MED13L: variants seen among roughly 807,000 people sequenced by gnomAD.
MED13L encodes mediator of RNA polymerase II transcription subunit 13-like.
In MED13L, 7 loss-of-function variants were observed where a neutral mutation model predicts 220.9. That is an observed-to-expected ratio of 0.03 (90% confidence interval 0.02 to 0.06). MED13L has a LOEUF of 0.06. Among genes scored for constraint, MED13L ranks in the 10% least tolerant of loss-of-function variants. The pLI, the probability that MED13L is intolerant of heterozygous loss-of-function variation, is 1.00. For missense variants in MED13L, 1,965 were observed against 2,760.5 expected, an observed-to-expected ratio of 0.71 and a Z score of 6.46; for synonymous variants, 1,011 against 1,015.2, an observed-to-expected ratio of 1.00 and a Z score of 0.08.
chr12:116,042,102 T>A (rs1881568141), intron 4 of MED13L, among the ~76,000 whole-genome samples: 1 of 152,202 alleles, frequency 6.6e-6, no homozygotes, highest in Non-Finnish European at 1.5e-5. Flanking sequence ...ATATAAATTT[T>A]AAAAATTGAT....
chr12:116,095,589 T>A (rs1872577824), intron 4 of MED13L, among the ~76,000 whole-genome samples: 1 of 152,118 alleles, frequency 6.6e-6, no homozygotes, highest in Admixed American at 6.5e-5. Context: ...CAGCTGAAAT[T>A]TTGCAACCAA....
intron 1 of MED13L, among the ~76,000 whole-genome samples, chr12:116,257,657 T>C (rs933737592): frequency 1.3e-5 from 2 of 152,358 alleles, no homozygotes; most frequent in Middle Eastern, 3.4e-3. Context: ...AAGCTATTTG[T>C]CTATTTTTAA....
chr12:116,248,062 T>G (rs1312016023), intron 1 of MED13L, among the ~76,000 whole-genome samples: 1 of 152,172 alleles, frequency 6.6e-6, no homozygotes, highest in Non-Finnish European at 1.5e-5. Context: ...ACTAGGCTGG[T>G]GAGGAAATCT....
At chr12:116,102,937 T>C (rs1246494315) in intron 3 of MED13L, among the ~76,000 whole-genome samples, 2 of 151,846 alleles carry the variant, frequency 1.3e-5, no homozygotes, top group East Asian at 3.9e-4. Flanking sequence ...AGGCTGGTCT[T>C]GAACTCCTGA....
intron 2 of MED13L, among the ~76,000 whole-genome samples, chr12:116,162,324 A>C (rs1199120152): frequency 6.6e-6 from 1 of 152,194 alleles, no homozygotes; most frequent in Non-Finnish European, 1.5e-5. Flanking sequence ...AGAAGCTGTG[A>C]TTCTATTAGA....
intron 4 of MED13L, among the ~76,000 whole-genome samples, chr12:116,043,286 A>G (rs1295664176): frequency 6.6e-6 from 1 of 152,222 alleles, no homozygotes. Flanking sequence ...AAAATGTATT[A>G]ATTTATTCTA....
At chr12:116,060,213 T>C (rs1017679648) in intron 4 of MED13L, among the ~76,000 whole-genome samples, 3 of 151,994 alleles carry the variant, frequency 2.0e-5, no homozygotes, top group Non-Finnish European at 4.4e-5. Context: ...CTCAAGTAGT[T>C]GCCACTCTAT....
chr12:116,220,844 T>A (rs1883266599), intron 2 of MED13L, among the ~76,000 whole-genome samples: 1 of 152,208 alleles, frequency 6.6e-6, no homozygotes, highest in Admixed American at 6.5e-5. Flanking sequence ...CTTAGTCTTA[T>A]GAAAACCACA....
chr12:115,979,525 T>C (rs1020223950), intron 23 of MED13L, among the ~76,000 whole-genome samples: 1 of 152,250 alleles, frequency 6.6e-6, no homozygotes, highest in African/African-American at 2.4e-5. Context: ...ATGTAGGTCA[T>C]TGGCTGAGCA....
intron 2 of MED13L, among the ~76,000 whole-genome samples, chr12:116,216,580 A>C (rs1275381468): frequency 6.6e-6 from 1 of 152,226 alleles, no homozygotes; most frequent in Non-Finnish European, 1.5e-5. Context: ...GGAAAAAGTG[A>C]AAACCAAAGT....
chr12:116,175,062 C>CA (rs1230361776), intron 2 of MED13L, among the ~76,000 whole-genome samples: 2 of 150,932 alleles, frequency 1.3e-5, no homozygotes, highest in Admixed American at 6.6e-5. Flanking sequence ...ATCTTGTCTC[C>CA]AAAAAAAGAA....
Position 116,276,497 on chromosome 12 carries a change from G to A in MED13L, c.72+563C>T, listed in dbSNP as rs974309871. 4.7e-6 allele frequency: 6 copies of A among 1,287,432 alleles called. No individual in the cohort carries two copies. The African/African-American group carries it at 7.6e-5, about 16-fold the overall frequency. The allele number at this position is 1,287,432 out of a possible 1,614,324, so 79.8% of individuals were successfully genotyped here. A position where few individuals can be genotyped will look rare whatever the true frequency, so the allele number is the denominator to read the frequency against. On this transcript the variant is annotated intron_variant, in intron 1 of 30. Transcript: ENST00000281928. ...AGTAAGCCCCGAGAGGCAGGCGGCT[G>A]TCGATGTTTACAATCGCGGGAGCTT...
At chr12:116,205,068 G>T (rs987754922) in intron 2 of MED13L, among the ~76,000 whole-genome samples, 1 of 152,014 alleles carries the variant, frequency 6.6e-6, no homozygotes, top group Non-Finnish European at 1.5e-5. Flanking sequence ...TACTCATGTG[G>T]CTTGCCTTCT....
At chr12:116,270,083 T>C (rs1258394049) in intron 1 of MED13L, among the ~76,000 whole-genome samples, 1 of 151,726 alleles carries the variant, frequency 6.6e-6, no homozygotes, top group Non-Finnish European at 1.5e-5. Flanking sequence ...AAAACAGGAG[T>C]TCCTAAAGGA....
intron 29 of MED13L, among the ~76,000 whole-genome samples, chr12:115,965,277 C>T (rs1876068890): frequency 6.6e-6 from 1 of 152,234 alleles, no homozygotes; most frequent in Admixed American, 6.5e-5. Context: ...TGTCTGGATG[C>T]ACCACAGTTG....
At position 115,961,203 on chromosome 12, in the gene MED13L, G is replaced by C. The variant is rs1875733720; in HGVS notation, c.*63C>G. Reference sequence around the variant, plus strand: ...TGTGGGTTATTTGCAGAGTGTAGCAGGTTCCTTGGACTGAGGTTGCAGGGA... The same window carrying C: ...TGTGGGTTATTTGCAGAGTGTAGCACGTTCCTTGGACTGAGGTTGCAGGGA... On this transcript the variant is annotated 3_prime_UTR_variant, in exon 31 of 31. Transcript: ENST00000281928. The C allele has an allele frequency of 1.3e-6, 2 of 1,592,350 alleles. No individual in the cohort carries two copies. The highest frequency in any genetic ancestry group is 1.3e-5 in the African/African-American group (1 of 74,604).
At chr12:116,056,884 T>C (rs552482427) in intron 4 of MED13L, among the ~76,000 whole-genome samples, 14 of 152,364 alleles carry the variant, frequency 9.2e-5, no homozygotes, top group African/African-American at 3.4e-4. Context: ...GTTTGTGATC[T>C]TTGTTTCTTT....
In MED13L at chr12:116,277,092, G is replaced by C. The variant is rs148454293; in HGVS notation, c.40C>G (p.Leu14Val). The C allele has an allele frequency of 6.3e-7, 1 of 1,592,710 alleles. No homozygotes were observed. Among genetic ancestry groups the C allele is most frequent in the Admixed American group, 1.7e-5 (1 of 57,580 alleles). The change falls in exon 1 of 31, where the codon CTG (leucine) becomes GTG (valine). Residue 14 changes from leucine to valine, a missense_variant. Around this residue, in one of 10 missense-constraint regions of MED13L, gnomAD observed 818 missense variants for 1,041.2 expected, o/e 0.79. Coordinates refer to ENST00000281928, the MANE Select transcript of MED13L (RefSeq NM_015335.5). Reference protein sequence around the residue: ...AANWVANGASLEDCHSNLFSL... With the variant: ...AANWVANGASVEDCHSNLFSL... The stretch of plus-strand genomic sequence containing the variant: ...AAGAGGTTGGAGTGACAATCCTCCA[G>C]GCTCGCCCCGTTCGCCACCCAGTTC...
chr12:116,003,110 C>T lies in MED13L; in HGVS notation c.2470-8G>A. 5 of 1,612,124 alleles carry T rather than the reference C, an allele frequency of 3.1e-6. No homozygotes were observed. Among genetic ancestry groups the T allele is most frequent in the Non-Finnish European group, 4.2e-6 (5 of 1,178,212 alleles). Reference sequence around the variant, plus strand: ...CAGAGCAGGTGATACAGCCTAAGAACAGACGGTGTTATTAAAACAGAGTGA... The same window carrying T: ...CAGAGCAGGTGATACAGCCTAAGAATAGACGGTGTTATTAAAACAGAGTGA... On this transcript the variant is annotated splice_polypyrimidine_tract_variant and splice_region_variant and intron_variant, in intron 13 of 30. Coordinates refer to ENST00000281928, the MANE Select transcript of MED13L (RefSeq NM_015335.5).
Sources: allele counts gnomAD v4.1 joint callset (sites outside exome capture counted in the v4.1 genomes callset), GRCh38; gene constraint gnomAD v4.1.1; regional missense constraint gnomAD v4.1.1; transcripts MANE v1.5; gene names NCBI Gene and HGNC (gene_info 2026-07-23, HGNC 2026-07-21).